The following ALG8 variants were observed in gnomAD, a reference collection of about 807,000 sequenced individuals.
ALG8 encodes dolichyl pyrophosphate Glc1Man9GlcNAc2 alpha-1,3-glucosyltransferase.
In ALG8, 48 loss-of-function variants were observed where a neutral mutation model predicts 70.2. The ratio of observed to expected loss-of-function variants is 0.68; its 90% confidence interval spans 0.54 to 0.87. The LOEUF (loss-of-function observed/expected upper bound fraction) is 0.87, where lower values mean the gene tolerates loss of function less well. Among genes scored for constraint, ALG8 ranks in the 40% least tolerant of loss-of-function variants. ALG8 has a pLI of 0.00. For synonymous variants in ALG8, 234 were observed against 229.0 expected (o/e 1.02, Z -0.20); for missense variants, 572 against 608.7 (o/e 0.94, Z 0.64).
intron 1 of ALG8, among the ~76,000 whole-genome samples, chr11:78,132,833 ATTT>A (rs55934753): frequency 0.05 from 5,667 of 113,860 alleles, 443 homozygotes; most frequent in African/African-American, 0.18. Flanking sequence ...TTCTTCTTCC[ATTT>A]TTTTTTTTTT....
At chr11:78,132,357 T>C (rs561716894) in intron 1 of ALG8, among the ~76,000 whole-genome samples, 4 of 152,356 alleles carry the variant, frequency 2.6e-5, no homozygotes, top group Admixed American at 6.5e-5. Context: ...TCTTCTCTCA[T>C]GTAGACTTTC....
intron 8 of ALG8, among the ~76,000 whole-genome samples, chr11:78,109,858 C>G (rs769564141): frequency 6.6e-6 from 1 of 152,194 alleles, no homozygotes; most frequent in Non-Finnish European, 1.5e-5. Context: ...TCTGCTCTCA[C>G]CTCTGAAAGC....
Position 78,124,100 on chromosome 11 carries a change from A to C in ALG8, c.289T>G (p.Tyr97Asp). The change falls in exon 3 of 13, where the codon TAC becomes GAC. Residue 97 changes from tyrosine (Y) to aspartate (D), a missense_variant. Transcript: ENST00000299626. ...QEMLNVHNLN[Y>D]SSSRTLLFQR... ...AAAAGTAAGGTCCTTGAGCTGGAGT[A>C]ATTCAAATTATGGACATTCAGCATT... 6.2e-7 allele frequency: 1 copy of C among 1,614,204 alleles called. No individual in the cohort carries two copies. Among genetic ancestry groups the C allele is most frequent in the Non-Finnish European group, 8.5e-7 (1 of 1,180,032 alleles).
chr11:78,114,180 A>G, intron 6 of ALG8, 86 bp downstream of exon 6: 1 of 1,577,974 alleles, frequency 6.3e-7, no homozygotes, highest in Non-Finnish European at 8.7e-7. Flanking sequence ...GCTGTGCTTC[A>G]TAAAACCTTC....
chr11:78,133,512 C>G (rs1202302383), intron 1 of ALG8: 1 of 152,120 alleles, frequency 6.6e-6, no homozygotes, highest in East Asian at 1.9e-4. Context: ...GCAGGCATAC[C>G]TTAGAGATAT....
At chr11:78,104,248 C>T (rs1199955624) in intron 11 of ALG8, 108 bp downstream of exon 11, 9 of 1,110,356 alleles carry the variant, frequency 8.1e-6, no homozygotes, top group Non-Finnish European at 1.0e-5. Flanking sequence ...GATGAATGAT[C>T]TCTATCCAAG....
At chr11:78,106,340 G>GCTACTATGTA in intron 10 of ALG8, among the ~76,000 whole-genome samples, 1 of 152,252 alleles carries the variant, frequency 6.6e-6, no homozygotes, top group East Asian at 1.9e-4. Flanking sequence ...TGGGACTACA[G>GCTACTATGTA]GCATGTGCCA....
In ALG8 at chr11:78,139,215, G is replaced by A. The variant is rs1861689701; in HGVS notation, c.95+279C>T. ...TGATAATACTGGCTGAATGGCTGTT[G>A]GAGGCAGAGGTTCTTAACTGCCTAT... On this transcript the variant is annotated intron_variant, in intron 1 of 12. Coordinates refer to ENST00000299626, the MANE Select transcript of ALG8 (RefSeq NM_024079.5). 17 of 477,894 alleles carry A rather than the reference G, an allele frequency of 3.6e-5. No homozygotes were observed. The South Asian group carries it at 3.7e-4, about 10-fold the overall frequency. The allele number at this position is 477,894 out of a possible 1,614,324, so 29.6% of individuals were successfully genotyped here.
intron 12 of ALG8, 111 bp from the exon 13 acceptor site, chr11:78,101,306 G>A: frequency 1.1e-6 from 1 of 887,056 alleles, no homozygotes; most frequent in Non-Finnish European, 1.8e-6. Context: ...AATTATTATA[G>A]CCAAGGCCAG....
At chr11:78,112,063 G>A (rs1860311997) in intron 8 of ALG8, among the ~76,000 whole-genome samples, 2 of 152,104 alleles carry the variant, frequency 1.3e-5, no homozygotes, top group Admixed American at 1.3e-4. Context: ...TTTGAGACCA[G>A]AAGTTTGATC....
chr11:78,125,015 G>C (rs1861001924), intron 2 of ALG8, among the ~76,000 whole-genome samples: 1 of 139,004 alleles, frequency 7.2e-6, no homozygotes, highest in South Asian at 2.2e-4. Context: ...TATTTTGTTA[G>C]ATTTCTCTCT....
chr11:78,123,881 G>T, intron 3 of ALG8, 140 bp downstream of exon 3: 1 of 964,266 alleles, frequency 1.0e-6, no homozygotes. Flanking sequence ...GTAGTTTAAA[G>T]CACAATACAA....
chr11:78,109,664 T>C, intron 8 of ALG8, 83 bp from the exon 9 acceptor site: 2 of 1,349,416 alleles, frequency 1.5e-6, no homozygotes, highest in Non-Finnish European at 2.1e-6. Context: ...CCTTGAGGAA[T>C]AAAAAGTAAG....
chr11:78,116,505 G>C (rs1860577468), intron 5 of ALG8, among the ~76,000 whole-genome samples: 1 of 152,126 alleles, frequency 6.6e-6, no homozygotes, highest in Non-Finnish European at 1.5e-5. Context: ...GGATCACGAA[G>C]TCAGGAGATC....
In ALG8 at chr11:78,107,198, A is replaced by AATATATAT. The variant is rs57228944; in HGVS notation, c.1039-260_1039-253dup. The stretch of plus-strand genomic sequence containing the variant: ...TGTAAATAAATATATTTTATATGTA[A>AATATATAT]ATATATATATATATATATATATATA... On this transcript the variant is annotated intron_variant, in intron 9 of 12. Transcript: ENST00000299626. Among the ~76,000 whole-genome samples the AATATATAT allele has an allele frequency of 4.9e-3, 707 of 143,814 alleles. 1 individual carries two copies. Among genetic ancestry groups the AATATATAT allele is most frequent in the Middle Eastern group, 0.011 (3 of 276 alleles). 94.3% of individuals were successfully genotyped at this position (143,814 alleles called of 152,430 possible).
chr11:78,121,024 C>G (rs1860798612), intron 4 of ALG8, 41 bp downstream of exon 4: 1 of 1,472,798 alleles, frequency 6.8e-7, no homozygotes, highest in Non-Finnish European at 9.5e-7. Context: ...TAGTATACAT[C>G]AGAATTAGTA....
At chr11:78,109,350 G>A in intron 9 of ALG8, 92 bp downstream of exon 9, 1 of 1,540,360 alleles carries the variant, frequency 6.5e-7, no homozygotes, top group South Asian at 1.1e-5. Flanking sequence ...TTATCCTACA[G>A]TTGGAAGAGC....
chr11:78,134,399 A>G (rs1221177372), intron 1 of ALG8, among the ~76,000 whole-genome samples: 1 of 152,198 alleles, frequency 6.6e-6, no homozygotes, highest in African/African-American at 2.4e-5. Context: ...CAGCCTCCCA[A>G]AACGCTGGGA....
chr11:78,130,790 A>G (rs1225644579), intron 1 of ALG8, among the ~76,000 whole-genome samples: 1 of 151,738 alleles, frequency 6.6e-6, no homozygotes, highest in Non-Finnish European at 1.5e-5. Context: ...GAAATTTATT[A>G]TTTGTTAATC....
Sources: allele counts gnomAD v4.1 joint callset (sites outside exome capture counted in the v4.1 genomes callset), GRCh38; gene constraint gnomAD v4.1.1; transcripts MANE v1.5; gene names NCBI Gene and HGNC (gene_info 2026-07-23, HGNC 2026-07-21).